Variants in PCDHA3 observed in about 807,000 individuals in gnomAD.
The protein encoded by PCDHA3 is protocadherin alpha 3.
PCDHA3 carries 41 observed loss-of-function variants against 62.2 expected under a neutral mutation model. The observed-to-expected ratio is 0.66, with a 90% CI of 0.51 to 0.86. The LOEUF (loss-of-function observed/expected upper bound fraction) is 0.86. Among genes scored for constraint, PCDHA3 ranks in the 40% least tolerant of loss-of-function variants. The probability of loss-of-function intolerance (pLI) is 0.00; values close to 1 mark genes in which losing one functional copy is unlikely to be tolerated. For synonymous variants in PCDHA3, 640 were observed against 555.4 expected (o/e 1.15, Z -2.14); for missense variants, 1,304 against 1,241.2 (o/e 1.05, Z -0.76).
chr5:140,929,166 C>A (rs782695019), intron 1 of PCDHA3: 1 of 1,614,146 alleles, frequency 6.2e-7, no homozygotes, highest in Admixed American at 1.7e-5. Context: ...TCTATCGGGC[C>A]TCTCTGGGAC....
chr5:140,808,251 T>C (rs1554124470), intron 1 of PCDHA3: 3 of 1,614,234 alleles, frequency 1.9e-6, no homozygotes, highest in Non-Finnish European at 1.7e-6. Context: ...TTCAAGTCTT[T>C]ATCACTTCCA....
At chr5:140,829,374 G>C in intron 1 of PCDHA3, 2 of 1,614,224 alleles carry the variant, frequency 1.2e-6, no homozygotes, top group Non-Finnish European at 1.7e-6. Flanking sequence ...GTAACCGCGC[G>C]GGACGGGGGC....
At chr5:140,884,440 G>A in intron 1 of PCDHA3, 1 of 1,613,830 alleles carries the variant, frequency 6.2e-7, no homozygotes, top group Non-Finnish European at 8.5e-7. Flanking sequence ...TGCGGTGCTC[G>A]GCACCGCCCA....
In PCDHA3 at chr5:140,839,872, A is replaced by G. The variant is rs1331265354; in HGVS notation, c.2394+36281A>G. ...TTACTTTTGAGGTGGACTTTGAAAG[A>G]TGAATAGAATTTTGACAGAAAAAGA... is the stretch of plus-strand genomic sequence containing the variant. On this transcript the variant is annotated intron_variant, in intron 1 of 3. Coordinates refer to ENST00000522353, the MANE Select transcript of PCDHA3 (RefSeq NM_018906.3). Among the ~76,000 whole-genome samples, 10 of 152,164 alleles carry G rather than the reference A, an allele frequency of 6.6e-5. 1 individual carries two copies. Among genetic ancestry groups the G allele is most frequent in the African/African-American group, 1.9e-4 (8 of 41,502 alleles).
At chr5:140,967,010 C>A (rs781936791) in intron 1 of PCDHA3, 2 of 1,606,340 alleles carry the variant, frequency 1.2e-6, no homozygotes, top group Admixed American at 3.3e-5. Context: ...CATCAACCAT[C>A]TGGGTGCGCC....
At chr5:140,970,271 G>A (rs1395602971) in intron 1 of PCDHA3, among the ~76,000 whole-genome samples, 1 of 152,200 alleles carries the variant, frequency 6.6e-6, no homozygotes, top group Non-Finnish European at 1.5e-5. Context: ...TTGATGAGAT[G>A]TAAAGTAGCC....
intron 1 of PCDHA3, chr5:140,968,357 C>T: frequency 6.2e-7 from 1 of 1,614,080 alleles, no homozygotes; most frequent in Non-Finnish European, 8.5e-7. Context: ...CAGTGGCAGC[C>T]TTTATGCTGT....
intron 1 of PCDHA3, chr5:140,816,763 G>A (rs1765984456): frequency 6.6e-6 from 1 of 151,982 alleles, no homozygotes; most frequent in Admixed American, 6.6e-5. Context: ...GGACTTGTGT[G>A]TATAATTCCT....
chr5:140,853,247 C>G (rs985398812), intron 1 of PCDHA3: 3 of 975,930 alleles, frequency 3.1e-6, no homozygotes, highest in African/African-American at 3.5e-5. Context: ...ATATTAATCT[C>G]TATTCTCTCT....
At chr5:140,897,175 G>A (rs1293904744) in intron 1 of PCDHA3, among the ~76,000 whole-genome samples, 3 of 151,828 alleles carry the variant, frequency 2.0e-5, no homozygotes, top group Admixed American at 6.6e-5. Flanking sequence ...ATCTCCATGG[G>A]TTCAAAAAAT....
intron 1 of PCDHA3, chr5:140,822,843 G>A: frequency 1.2e-6 from 2 of 1,614,190 alleles, no homozygotes; most frequent in South Asian, 2.2e-5. Context: ...CCCTTTTCCT[G>A]CCTGTCAAAG....
In PCDHA3 at chr5:140,929,359, C is replaced by T; in HGVS notation, c.2395-49590C>T. 3.3e-6 allele frequency: 5 copies of T among 1,522,308 alleles called. No homozygotes were observed. In the South Asian group the frequency reaches 6.6e-5, roughly 20 times the overall value. 94.3% of individuals were successfully genotyped at this position (1,522,308 alleles called of 1,614,324 possible). ...ATTTTATGGAATTTGATTCCTTTGG[C>T]CCGGAGATGGCTGCTAGCTGTGTTT... On this transcript the variant is annotated intron_variant, in intron 1 of 3. Transcript: ENST00000522353.
chr5:140,842,128 G>C, intron 1 of PCDHA3: 1 of 1,613,840 alleles, frequency 6.2e-7, no homozygotes, highest in Non-Finnish European at 8.5e-7. Flanking sequence ...CTTCTGATCC[G>C]GATGAAGGAG....
chr5:140,899,056 G>A (rs1370417194), intron 1 of PCDHA3, among the ~76,000 whole-genome samples: 1 of 152,062 alleles, frequency 6.6e-6, no homozygotes, highest in Non-Finnish European at 1.5e-5. Context: ...CTGAGACTTT[G>A]CTGAAGTTGC....
At chr5:140,862,664 C>A in intron 1 of PCDHA3, 1 of 547,450 alleles carries the variant, frequency 1.8e-6, no homozygotes, top group Non-Finnish European at 3.7e-6. Flanking sequence ...GACCGGGACG[C>A]GCAGGAGAAC....
intron 1 of PCDHA3, among the ~76,000 whole-genome samples, chr5:140,971,036 G>A (rs919714179): frequency 2.0e-5 from 3 of 152,204 alleles, no homozygotes; most frequent in Non-Finnish European, 2.9e-5. Context: ...TTGAAAGCAC[G>A]TAAAAGGGTT....
At chr5:140,836,622 A>G in intron 1 of PCDHA3, 1 of 1,613,448 alleles carries the variant, frequency 6.2e-7, no homozygotes, top group Non-Finnish European at 8.5e-7. Flanking sequence ...CGCGGTGGGG[A>G]GCTGGTCATT....
intron 1 of PCDHA3, chr5:140,877,658 T>G: frequency 6.2e-7 from 1 of 1,613,486 alleles, no homozygotes. Context: ...CCGCCCACCG[T>G]GAGCCGGTGC....
intron 1 of PCDHA3, among the ~76,000 whole-genome samples, chr5:140,895,476 G>A (rs928938592): frequency 6.6e-6 from 1 of 152,074 alleles, no homozygotes; most frequent in Non-Finnish European, 1.5e-5. Context: ...ATCCTCTTCG[G>A]AGAAATACCT....
Sources: gnomAD v4.1 joint callset for allele counts (sites outside exome capture counted in the v4.1 genomes callset) on GRCh38, gnomAD v4.1.1 for gene constraint, MANE v1.5 for transcripts, NCBI Gene and HGNC (gene_info 2026-07-23, HGNC 2026-07-21) for gene names.